PLXDC2: variants seen among roughly 807,000 people sequenced by gnomAD.
PLXDC2 encodes plexin domain containing 2.
Under a neutral mutation model 68.9 loss-of-function variants are expected in PLXDC2, and 40 were observed. The observed-to-expected ratio is 0.58, with a 90% CI of 0.45 to 0.76. The LOEUF is 0.76. Ranked by LOEUF, PLXDC2 falls within the 30% of genes least tolerant of loss-of-function variation. PLXDC2 has a pLI of 0.00. For synonymous variants in PLXDC2, 243 were observed against 234.2 expected (o/e 1.04, Z -0.34); for missense variants, 644 against 661.9 (o/e 0.97, Z 0.30).
At chr10:19,827,839 A>G (rs917618056) in intron 1 of PLXDC2, among the ~76,000 whole-genome samples, 2 of 152,140 alleles carry the variant, frequency 1.3e-5, no homozygotes, top group African/African-American at 2.4e-5. Flanking sequence ...GATTACAGAC[A>G]TGAGCCACCG....
chr10:20,256,147 T>C (rs1334084954), intron 13 of PLXDC2, among the ~76,000 whole-genome samples: 1 of 152,028 alleles, frequency 6.6e-6, no homozygotes, highest in Non-Finnish European at 1.5e-5. Context: ...TTTATTTATT[T>C]TTTGAGACAG....
At chr10:20,247,339 T>C (rs1835612451) in intron 13 of PLXDC2, among the ~76,000 whole-genome samples, 1 of 150,462 alleles carries the variant, frequency 6.6e-6, no homozygotes, top group African/African-American at 2.4e-5. Context: ...GAATGGGGCA[T>C]GGTGGCACAT....
intron 1 of PLXDC2, among the ~76,000 whole-genome samples, chr10:19,932,567 G>T (rs1833656772): frequency 6.6e-6 from 1 of 152,006 alleles, no homozygotes; most frequent in Non-Finnish European, 1.5e-5. Context: ...TTCTCACTTT[G>T]GGATTATGTT....
At chr10:19,903,283 C>T (rs1353904999) in intron 1 of PLXDC2, among the ~76,000 whole-genome samples, 1 of 150,390 alleles carries the variant, frequency 6.6e-6, no homozygotes. Flanking sequence ...TCATAGAATT[C>T]AGCTGTGAAT....
chr10:20,038,243 T>TA (rs112194238), intron 2 of PLXDC2, among the ~76,000 whole-genome samples: 105 of 141,144 alleles, frequency 7.4e-4, no homozygotes, highest in Middle Eastern at 3.5e-3. Flanking sequence ...CTCAAAAAAA[T>TA]AAAAAAAAAA....
At chr10:19,838,322 A>G (rs972778700) in intron 1 of PLXDC2, among the ~76,000 whole-genome samples, 2 of 152,202 alleles carry the variant, frequency 1.3e-5, no homozygotes, top group Non-Finnish European at 2.9e-5. Context: ...GTATTGCTAG[A>G]ATAGATTATG....
chr10:20,164,681 TG>T, intron 7 of PLXDC2, 114 bp downstream of exon 7: 2 of 774,298 alleles, frequency 2.6e-6, no homozygotes, highest in Non-Finnish European at 4.5e-6. Flanking sequence ...ATCGATTAGC[TG>T]ATTAATGCTT....
At chr10:19,932,499 T>C (rs116624952) in intron 1 of PLXDC2, among the ~76,000 whole-genome samples, 256 of 152,334 alleles carry the variant, frequency 1.7e-3, no homozygotes, top group African/African-American at 5.9e-3. Flanking sequence ...ATCCTTCATT[T>C]ATGTTTATTT....
intron 1 of PLXDC2, among the ~76,000 whole-genome samples, chr10:19,882,782 C>T (rs1481607849): frequency 2.0e-5 from 3 of 151,956 alleles, no homozygotes; most frequent in Non-Finnish European, 2.9e-5. Flanking sequence ...ACAAGGCCAG[C>T]GAAGATTATG....
chr10:19,852,189 A>G (rs1463602834), intron 1 of PLXDC2, among the ~76,000 whole-genome samples: 2 of 152,052 alleles, frequency 1.3e-5, no homozygotes, highest in African/African-American at 4.8e-5. Context: ...AGGATACTTG[A>G]GACCAGGATT....
intron 7 of PLXDC2, among the ~76,000 whole-genome samples, chr10:20,170,807 A>G (rs1834437594): frequency 6.6e-6 from 1 of 151,950 alleles, no homozygotes; most frequent in African/African-American, 2.4e-5. Context: ...CCTAGTGGCT[A>G]TCATGTTGGA....
intron 1 of PLXDC2, among the ~76,000 whole-genome samples, chr10:19,990,251 T>TA (rs1248453601): frequency 6.6e-6 from 1 of 152,174 alleles, no homozygotes; most frequent in African/African-American, 2.4e-5. Context: ...ATATCAAACA[T>TA]AATTTTTAGC....
intron 1 of PLXDC2, among the ~76,000 whole-genome samples, chr10:19,938,196 C>G (rs183708325): frequency 8.5e-5 from 13 of 152,218 alleles, no homozygotes; most frequent in Non-Finnish European, 1.5e-4. Context: ...GCTTGAGGCT[C>G]TAACTCAAGC....
chr10:20,208,799 G>A (rs539630158), intron 9 of PLXDC2, among the ~76,000 whole-genome samples: 14 of 152,106 alleles, frequency 9.2e-5, no homozygotes, highest in East Asian at 1.9e-4. Context: ...AGTGTTGGCC[G>A]GTCTGAGAAA....
At chr10:19,822,916 T>A (rs1377118471) in intron 1 of PLXDC2, among the ~76,000 whole-genome samples, 1 of 152,050 alleles carries the variant, frequency 6.6e-6, no homozygotes, top group Admixed American at 6.6e-5. Context: ...TCTGGATGTT[T>A]ACTTACTTTT....
intron 1 of PLXDC2, among the ~76,000 whole-genome samples, chr10:19,879,049 G>C (rs898494242): frequency 6.6e-6 from 1 of 152,108 alleles, no homozygotes; most frequent in African/African-American, 2.4e-5. Context: ...CTTTAAGTAA[G>C]TGGTCTTGTC....
At chr10:19,885,457 A>G (rs1311375755) in intron 1 of PLXDC2, among the ~76,000 whole-genome samples, 5 of 152,034 alleles carry the variant, frequency 3.3e-5, no homozygotes, top group Non-Finnish European at 5.9e-5. Flanking sequence ...ATAATGCCTA[A>G]GTTTTCTTCT....
chr10:20,067,151 T>C (rs562352707), intron 3 of PLXDC2, among the ~76,000 whole-genome samples: 1 of 152,148 alleles, frequency 6.6e-6, no homozygotes, highest in Non-Finnish European at 1.5e-5. Flanking sequence ...ATTTATTTTT[T>C]AAAAAAATAG....
intron 12 of PLXDC2, among the ~76,000 whole-genome samples, chr10:20,221,941 T>C (rs1263897794): frequency 6.6e-6 from 1 of 152,220 alleles, no homozygotes; most frequent in Non-Finnish European, 1.5e-5. Context: ...TTTTTTAAAA[T>C]AAGTTTTATT....
Sources: allele counts gnomAD v4.1 joint callset (sites outside exome capture counted in the v4.1 genomes callset), GRCh38; gene constraint gnomAD v4.1.1; transcripts MANE v1.5; gene names NCBI Gene and HGNC (gene_info 2026-07-23, HGNC 2026-07-21).